STK17B: variants seen among roughly 807,000 people sequenced by gnomAD.
STK17B encodes the protein serine/threonine-protein kinase 17B.
STK17B carries 21 observed loss-of-function variants against 42.0 expected under a neutral mutation model. The ratio of observed to expected loss-of-function variants is 0.50; its 90% confidence interval spans 0.35 to 0.72. The LOEUF (loss-of-function observed/expected upper bound fraction) is 0.72. Among genes scored for constraint, STK17B ranks in the 30% least tolerant of loss-of-function variants. STK17B has a pLI of 0.00. For synonymous variants in STK17B, 143 were observed against 148.4 expected, an observed-to-expected ratio of 0.96 and a Z score of 0.26; for missense variants, 349 against 446.0, an observed-to-expected ratio of 0.78 and a Z score of 1.96.
At chr2:196,162,215 T>C (rs993959254) in intron 2 of STK17B, among the ~76,000 whole-genome samples, 3 of 152,198 alleles carry the variant, frequency 2.0e-5, no homozygotes, top group Non-Finnish European at 4.4e-5. Flanking sequence ...AAAATGGTAG[T>C]ACAGAATGGT....
upstream of STK17B, among the ~76,000 whole-genome samples, chr2:196,174,739 T>C (rs1699982994): frequency 6.6e-6 from 1 of 152,246 alleles, no homozygotes; most frequent in Non-Finnish European, 1.5e-5. Flanking sequence ...CATTTACTCA[T>C]GGTGCCTACA....
chr2:196,139,136 T>G (rs931349365), intron 7 of STK17B, among the ~76,000 whole-genome samples: 5 of 151,848 alleles, frequency 3.3e-5, no homozygotes, highest in African/African-American at 1.2e-4. Context: ...GCTAATTTTT[T>G]TGTATTTTTA....
At chr2:196,175,548 C>T (rs186569407), upstream of STK17B, among the ~76,000 whole-genome samples, 101 of 152,268 alleles carry the variant, frequency 6.6e-4, no homozygotes, top group South Asian at 3.1e-3. Flanking sequence ...ATCACTTGAA[C>T]GCAGGAGGCA....
intron 4 of STK17B, among the ~76,000 whole-genome samples, chr2:196,144,129 G>A (rs1321245518): frequency 6.6e-6 from 1 of 151,436 alleles, no homozygotes; most frequent in Non-Finnish European, 1.5e-5. Context: ...TTTGAGCTCA[G>A]GAGTTCAAGA....
At chr2:196,149,161 C>CT (rs1208062152) in intron 3 of STK17B, among the ~76,000 whole-genome samples, 1 of 148,736 alleles carries the variant, frequency 6.7e-6, no homozygotes, top group Admixed American at 6.9e-5. Context: ...TAGATAACAG[C>CT]TATTTTTTTT....
rs374701552 is a variant in STK17B at position 196,134,632 on chromosome 2, G to A, written c.*2815C>T. 1.3e-5 allele frequency: 2 copies of A among 152,280 alleles called. No individual in the cohort carries two copies. Among genetic ancestry groups the A allele is most frequent in the East Asian group, 3.9e-4 (2 of 5,184 alleles). 9.4% of individuals were successfully genotyped at this position (152,280 alleles called of 1,614,324 possible). Reference sequence around the variant, plus strand: ...AGTGCCATTACAATTTCACTGCTCAGAGCTAGGTTCTTTACTGTAGGGAAA... The same window carrying A: ...AGTGCCATTACAATTTCACTGCTCAAAGCTAGGTTCTTTACTGTAGGGAAA... On this transcript the variant is annotated 3_prime_UTR_variant, in exon 8 of 8. Coordinates refer to ENST00000263955, the MANE Select transcript of STK17B (RefSeq NM_004226.4).
intron 2 of STK17B, among the ~76,000 whole-genome samples, chr2:196,162,852 T>C (rs1000221199): frequency 6.6e-5 from 10 of 151,928 alleles, no homozygotes; most frequent in Non-Finnish European, 1.5e-4. Context: ...ATCATGTCAC[T>C]GCACTCCAGC....
At chr2:196,140,342 C>A (rs1699475825) in intron 6 of STK17B, among the ~76,000 whole-genome samples, 1 of 152,162 alleles carries the variant, frequency 6.6e-6, no homozygotes, top group South Asian at 2.1e-4. Flanking sequence ...CTGGGCAAAC[C>A]CATGAGCAGT....
At chr2:196,172,293 A>T (rs1055026274), upstream of STK17B, among the ~76,000 whole-genome samples, 3 of 152,238 alleles carry the variant, frequency 2.0e-5, no homozygotes, top group Non-Finnish European at 4.4e-5. Flanking sequence ...AACCTACTCA[A>T]GATCTGTTAT....
intron 1 of STK17B, among the ~76,000 whole-genome samples, chr2:196,163,846 C>G: frequency 6.6e-6 from 1 of 151,638 alleles, no homozygotes; most frequent in South Asian, 2.1e-4. Context: ...AAAACCAGTC[C>G]TGGCAACATA....
intron 3 of STK17B, among the ~76,000 whole-genome samples, chr2:196,151,105 A>T (rs1023142983): frequency 6.6e-6 from 1 of 152,188 alleles, no homozygotes; most frequent in African/African-American, 2.4e-5. Context: ...ATTTACTTAG[A>T]GATGTTTAGT....
chr2:196,148,145 CA>C (rs1207568731), intron 3 of STK17B, among the ~76,000 whole-genome samples: 2 of 152,150 alleles, frequency 1.3e-5, no homozygotes, highest in African/African-American at 2.4e-5. Context: ...TATAGAAAGA[CA>C]ATTTTGGGAA....
intron 1 of STK17B, among the ~76,000 whole-genome samples, chr2:196,169,200 C>A (rs895833271): frequency 6.6e-6 from 1 of 151,408 alleles, no homozygotes; most frequent in African/African-American, 2.4e-5. Context: ...CTCAGCCTCC[C>A]GAGTAGCTGG....
At chr2:196,158,366 T>C (rs1237442766) in intron 2 of STK17B, among the ~76,000 whole-genome samples, 3 of 152,262 alleles carry the variant, frequency 2.0e-5, no homozygotes, top group East Asian at 3.8e-4. Flanking sequence ...TTGACTCTTC[T>C]ACATTTATCA....
chr2:196,155,763 C>T (rs1699730094), intron 3 of STK17B, among the ~76,000 whole-genome samples: 4 of 152,154 alleles, frequency 2.6e-5, no homozygotes. Context: ...CTGTAAGAGT[C>T]ACATGTCAAT....
At chr2:196,155,531 G>C (rs1699726579) in intron 3 of STK17B, among the ~76,000 whole-genome samples, 1 of 152,116 alleles carries the variant, frequency 6.6e-6, no homozygotes, top group Non-Finnish European at 1.5e-5. Context: ...ATGCAAGTTA[G>C]TTACTAAAAA....
chr2:196,144,257 G>A (rs1164471268), intron 4 of STK17B, among the ~76,000 whole-genome samples: 3 of 151,752 alleles, frequency 2.0e-5, no homozygotes, highest in Admixed American at 2.0e-4. Context: ...TTGGGAGGCT[G>A]AGGTAGGCAG....
chr2:196,141,754 G>A (rs1238311929), intron 5 of STK17B, among the ~76,000 whole-genome samples: 2 of 152,158 alleles, frequency 1.3e-5, no homozygotes, highest in African/African-American at 4.8e-5. Flanking sequence ...ATTATCCTAT[G>A]ATTGGACATT....
Position 196,149,251 on chromosome 2 carries a change from C to T in STK17B, c.336-3196G>A, listed in dbSNP as rs571986637. ...CAATCTCTACTCACCGCAACCTCCC[C>T]GTCCTGGGTTCAAGCAATTCTCCTG... On this transcript the variant is annotated intron_variant, in intron 3 of 7. Transcript: ENST00000263955. Among the ~76,000 whole-genome samples the T allele has an allele frequency of 3.8e-4, 58 of 152,132 alleles. No homozygotes were observed. The South Asian group carries it at 9.1e-3, about 24-fold the overall frequency.
Sources: gnomAD v4.1 joint callset for allele counts (sites outside exome capture counted in the v4.1 genomes callset) on GRCh38, gnomAD v4.1.1 for gene constraint, MANE v1.5 for transcripts, NCBI Gene and HGNC (gene_info 2026-07-23, HGNC 2026-07-21) for gene names.